The following PYY variants were observed in gnomAD, a reference collection of about 807,000 sequenced individuals.
The protein encoded by PYY is peptide tyrosine tyrosine.
A neutral mutation model predicts 10.3 loss-of-function variants in PYY; 12 were observed. The observed-to-expected ratio is 1.17, with a 90% CI of 0.75 to 1.89. The LOEUF is 1.89. Ranked by LOEUF, PYY falls within the 40% of genes most tolerant of loss-of-function variation. The pLI is 0.00. For missense variants in PYY, 141 were observed against 134.0 expected (o/e 1.05, Z -0.26); for synonymous variants, 66 against 62.0 (o/e 1.06, Z -0.30).
At chr17:43,996,387 C>T (rs2048992493) in intron 1 of PYY, among the ~76,000 whole-genome samples, 1 of 152,192 alleles carries the variant, frequency 6.6e-6, no homozygotes, top group Non-Finnish European at 1.5e-5. Context: ...CTAGAACCAC[C>T]AGGTAAGCCC....
In PYY at chr17:43,952,926, G is replaced by A. The variant is rs770863074; in HGVS notation, c.*30C>T. 1.3e-6 allele frequency: 2 copies of A among 1,532,770 alleles called. No homozygotes were observed. The highest frequency in any genetic ancestry group is 4.7e-5 in the Admixed American group (2 of 42,972). The allele number at this position is 1,532,770 out of a possible 1,614,324, so 94.9% of individuals were successfully genotyped here. A position where few individuals can be genotyped will look rare whatever the true frequency, so the allele number is the denominator to read the frequency against. On this transcript the variant is annotated 3_prime_UTR_variant, in exon 4 of 4. Transcript: ENST00000692052. The stretch of plus-strand genomic sequence containing the variant: ...GTATGCAAATGACGTGGGCGTGGTT[G>A]GCAGATCTCCCAGGAGGCCTCAGGG...
At chr17:43,989,829 A>T (rs2048941682) in intron 1 of PYY, among the ~76,000 whole-genome samples, 1 of 40,450 alleles carries the variant, frequency 2.5e-5, no homozygotes, top group Admixed American at 3.1e-4. Context: ...AAAAAAAAAA[A>T]AAAAAAAAAA....
chr17:43,967,321 G>T (rs1262415800), intron 1 of PYY, among the ~76,000 whole-genome samples: 3 of 152,028 alleles, frequency 2.0e-5, no homozygotes, highest in African/African-American at 7.2e-5. Context: ...AGAAGAAGAA[G>T]AAAGCAATTC....
At chr17:43,953,053 G>A (rs2048642439) in intron 3 of PYY, 56 bp downstream of exon 3, 1 of 1,605,534 alleles carries the variant, frequency 6.2e-7, no homozygotes, top group Non-Finnish European at 8.5e-7. Flanking sequence ...GATGTTGCCA[G>A]GGTAGGGCCA....
intron 1 of PYY, among the ~76,000 whole-genome samples, chr17:43,978,329 A>C (rs1251706375): frequency 6.6e-6 from 1 of 150,860 alleles, no homozygotes; most frequent in African/African-American, 2.4e-5. Flanking sequence ...AAGGGAAGGG[A>C]AGAAAAGGAA....
rs750232212 is a variant in PYY, at chr17:43,953,517, A to G, written c.1-34T>C. On this transcript the variant is annotated intron_variant, in intron 1 of 3. Transcript: ENST00000692052. ...GCGACATTGGGACGTGGGTCATTCC[A>G]AGCCTCGACCCTACACGGCGGGAGG... 26 of 1,541,404 alleles carry G rather than the reference A, an allele frequency of 1.7e-5. No individual in the cohort carries two copies. In the South Asian group the frequency reaches 3.2e-4, roughly 19 times the overall value.
At chr17:43,969,614 T>C (rs2048776283) in intron 1 of PYY, among the ~76,000 whole-genome samples, 2 of 151,902 alleles carry the variant, frequency 1.3e-5, no homozygotes, top group Admixed American at 1.3e-4. Context: ...AACAATACTC[T>C]TAGGCCAGGC....
intron 1 of PYY, among the ~76,000 whole-genome samples, chr17:44,002,877 C>A (rs2143973526): frequency 6.6e-6 from 1 of 152,272 alleles, no homozygotes; most frequent in Non-Finnish European, 1.5e-5. Context: ...ATTCCTCTAC[C>A]ACACAGAAGG....
In PYY at chr17:43,953,470, C is replaced by T. The variant is rs559556349; in HGVS notation, c.14G>A (p.Arg5His). Reference protein sequence around the residue: MVFVRRPWPALTTVL... With the variant: MVFVHRPWPALTTVL... ...TGTGGTCAAGGCGGGCCACGGCCTGCGCACGAACACCATCTGGGAAGGCGA... is the reference window on the plus strand; with the variant it reads ...TGTGGTCAAGGCGGGCCACGGCCTGTGCACGAACACCATCTGGGAAGGCGA... Residue 5 changes from arginine to histidine, a missense_variant, in exon 2 of 4, where the codon CGC becomes CAC. Transcript: ENST00000692052. 5.0e-6 allele frequency: 8 copies of T among 1,598,560 alleles called. No individual in the cohort carries two copies. The East Asian group carries it at 1.1e-4, about 22-fold the overall frequency.
chr17:43,966,050 CAT>C (rs1322170010), intron 2 of PYY, among the ~76,000 whole-genome samples: 1 of 152,116 alleles, frequency 6.6e-6, no homozygotes, highest in Admixed American at 6.6e-5. Flanking sequence ...TCCCTATCCA[CAT>C]AGTCCACTGT....
At chr17:43,954,932 A>G (rs2048662047), upstream of PYY, among the ~76,000 whole-genome samples, 1 of 152,224 alleles carries the variant, frequency 6.6e-6, no homozygotes, top group African/African-American at 2.4e-5. Context: ...CATTTTCCAG[A>G]TGAGGAAACT....
At chr17:43,964,618 C>G (rs1260848528) in intron 2 of PYY, among the ~76,000 whole-genome samples, 1 of 152,130 alleles carries the variant, frequency 6.6e-6, no homozygotes, top group Non-Finnish European at 1.5e-5. Flanking sequence ...GGCATGGTGG[C>G]GCATGCCTGT....
intron 2 of PYY, among the ~76,000 whole-genome samples, chr17:43,960,349 C>A (rs937064159): frequency 6.6e-6 from 1 of 151,406 alleles, no homozygotes; most frequent in Admixed American, 6.6e-5. Flanking sequence ...TCTAGACCAG[C>A]CTGGCCAACA....
At chr17:43,965,069 C>G (rs533261819) in intron 2 of PYY, among the ~76,000 whole-genome samples, 1 of 152,334 alleles carries the variant, frequency 6.6e-6, no homozygotes, top group African/African-American at 2.4e-5. Flanking sequence ...GGGCTAGAAA[C>G]AATGTTGAAA....
intron 2 of PYY, among the ~76,000 whole-genome samples, chr17:43,960,769 G>C (rs994781485): frequency 6.7e-6 from 1 of 149,854 alleles, no homozygotes; most frequent in Non-Finnish European, 1.5e-5. Flanking sequence ...AGAATTGCTT[G>C]AACCCAGGAG....
intron 1 of PYY, among the ~76,000 whole-genome samples, chr17:43,999,440 T>C (rs1409195665): frequency 6.7e-6 from 1 of 149,266 alleles, no homozygotes; most frequent in Non-Finnish European, 1.5e-5. Flanking sequence ...GCGGGGGAGG[T>C]GAAGTTAGAA....
intron 1 of PYY, among the ~76,000 whole-genome samples, chr17:43,972,117 C>A (rs1260368376): frequency 7.3e-5 from 11 of 151,704 alleles, no homozygotes; most frequent in Non-Finnish European, 7.4e-5. Flanking sequence ...TGTGTTAAAG[C>A]TCATAAAGCT....
chr17:43,993,935 C>A (rs1341974192), intron 1 of PYY, among the ~76,000 whole-genome samples: 1 of 152,082 alleles, frequency 6.6e-6, no homozygotes, highest in Non-Finnish European at 1.5e-5. Context: ...GTCACTGCAG[C>A]CTCCACCACC....
intron 1 of PYY, among the ~76,000 whole-genome samples, chr17:43,993,625 TA>T (rs934902518): frequency 1.8e-3 from 259 of 142,180 alleles, no homozygotes; most frequent in Non-Finnish European, 1.9e-3. Context: ...GACTCTGTCT[TA>T]AAAAAAAAAA....
Sources: gnomAD v4.1 joint callset for allele counts (sites outside exome capture counted in the v4.1 genomes callset) on GRCh38, gnomAD v4.1.1 for gene constraint, MANE v1.5 for transcripts, NCBI Gene and HGNC (gene_info 2026-07-23, HGNC 2026-07-21) for gene names.